The following STAT4 variants were observed in gnomAD, a reference collection of about 807,000 sequenced individuals.
STAT4 encodes signal transducer and activator of transcription 4.
A neutral mutation model predicts 110.5 loss-of-function variants in STAT4; 42 were observed. The observed-to-expected ratio is 0.38, with a 90% CI of 0.30 to 0.49. The LOEUF is 0.49. Among genes scored for constraint, STAT4 ranks in the 20% least tolerant of loss-of-function variants. The probability of loss-of-function intolerance (pLI) is 0.95; values close to 1 mark genes in which losing one functional copy is unlikely to be tolerated. For missense variants in STAT4, 632 were observed against 887.9 expected, an observed-to-expected ratio of 0.71 and a Z score of 3.66; for synonymous variants, 284 against 302.2, an observed-to-expected ratio of 0.94 and a Z score of 0.63.
intron 3 of STAT4, among the ~76,000 whole-genome samples, chr2:191,114,592 C>T (rs1698523490): frequency 6.6e-6 from 1 of 152,178 alleles, no homozygotes; most frequent in Non-Finnish European, 1.5e-5. Flanking sequence ...CAGCTGAGCA[C>T]TTATTAGAAA....
At chr2:191,069,345 T>C (rs145229734) in intron 6 of STAT4, among the ~76,000 whole-genome samples, 3 of 152,260 alleles carry the variant, frequency 2.0e-5, no homozygotes, top group African/African-American at 7.2e-5. Context: ...TTATTACTTT[T>C]GTTTCTGTGA....
Position 191,066,586 on chromosome 2 carries a change from T to C in STAT4, c.545-71A>G. 3 of 1,420,336 alleles carry C rather than the reference T, an allele frequency of 2.1e-6. No homozygotes were observed. The highest frequency in any genetic ancestry group is 2.9e-6 in the Non-Finnish European group (3 of 1,018,698). The allele number at this position is 1,420,336 out of a possible 1,614,324, so 88.0% of individuals were successfully genotyped here. On this transcript the variant is annotated intron_variant, in intron 6 of 23. Coordinates refer to ENST00000392320, the MANE Select transcript of STAT4 (RefSeq NM_003151.4). This position sits in a 1 kb window ranked among gnomAD's most constrained non-coding sequence, Gnocchi z 4.3. ...AAGTCAAGTCAGCCTCAATCCACCA[T>C]CCTAAAACAGCCCTGGCCCGGAGAA...
chr2:191,142,905 T>C lies in STAT4; in HGVS notation c.273+3708A>G, dbSNP rs889588581. 6.6e-6 allele frequency among the ~76,000 whole-genome samples: 1 copy of C among 152,140 alleles called. No individual in the cohort carries two copies. Among genetic ancestry groups the C allele is most frequent in the Non-Finnish European group, 1.5e-5 (1 of 68,028 alleles). On this transcript the variant is annotated intron_variant, in intron 3 of 23. Coordinates refer to ENST00000392320, the MANE Select transcript of STAT4 (RefSeq NM_003151.4). This position sits in a 1 kb window ranked among gnomAD's most constrained non-coding sequence, Gnocchi z 4.1. ...GTATGATATTGTAATGGTAGATATATGACATTATGCATTGTCAAAACCCAT... is the reference window on the plus strand; with the variant it reads ...GTATGATATTGTAATGGTAGATATACGACATTATGCATTGTCAAAACCCAT...
At position 191,117,254 on chromosome 2, in the gene STAT4, C is replaced by T. The variant is rs148287789; in HGVS notation, c.273+29359G>A. ...TGGTATCAAGGGATTTTCATCTTTG[C>T]CAGTTTGGAAGATAAAAAGTGCTCT... is the stretch of plus-strand genomic sequence containing the variant. On this transcript the variant is annotated intron_variant, in intron 3 of 23. Transcript: ENST00000392320. This position sits in a 1 kb window ranked among gnomAD's most constrained non-coding sequence, Gnocchi z 5.2. Among the ~76,000 whole-genome samples, 255 of 152,236 alleles carry T rather than the reference C, an allele frequency of 1.7e-3. No individual in the cohort carries two copies. The highest frequency in any genetic ancestry group is 5.8e-3 in the African/African-American group (239 of 41,548).
At chr2:191,093,378 T>A (rs962423321) in intron 3 of STAT4, among the ~76,000 whole-genome samples, 2 of 145,188 alleles carry the variant, frequency 1.4e-5, no homozygotes, top group Non-Finnish European at 3.1e-5. Flanking sequence ...TATTTGTTGT[T>A]CTGCAATATT....
At position 191,046,269 on chromosome 2, in the gene STAT4, C is replaced by T. The variant is rs1266780584; in HGVS notation, c.1252-5121G>A. Among the ~76,000 whole-genome samples, 1 of 152,204 alleles carries T rather than the reference C, an allele frequency of 6.6e-6. No individual in the cohort carries two copies. The highest frequency in any genetic ancestry group is 1.5e-5 in the Non-Finnish European group (1 of 68,032). The stretch of plus-strand genomic sequence containing the variant: ...TGTTAACATATGTTCTAGCCTCCTG[C>T]CTTGACATATCCTTCACATAACCGA... On this transcript the variant is annotated intron_variant, in intron 14 of 23. Coordinates refer to ENST00000392320, the MANE Select transcript of STAT4 (RefSeq NM_003151.4). This position sits in a 1 kb window ranked among gnomAD's most constrained non-coding sequence, Gnocchi z 4.6.
chr2:191,116,657 C>G lies in STAT4; in HGVS notation c.273+29956G>C, dbSNP rs540864157. 6.6e-6 allele frequency among the ~76,000 whole-genome samples: 1 copy of G among 152,276 alleles called. No homozygotes were observed. The highest frequency in any genetic ancestry group is 1.5e-5 in the Non-Finnish European group (1 of 68,012). On this transcript the variant is annotated intron_variant, in intron 3 of 23. Coordinates refer to ENST00000392320, the MANE Select transcript of STAT4 (RefSeq NM_003151.4). This position sits in a 1 kb window ranked among gnomAD's most constrained non-coding sequence, Gnocchi z 4.1. ...CACTGAAGGCTGCTTGAAGACTCAG[C>G]TCCAGTATAATTACTTGCAATTACT...
At chr2:191,063,036 T>G in intron 8 of STAT4, 116 bp from the exon 9 acceptor site, 1 of 829,002 alleles carries the variant, frequency 1.2e-6, no homozygotes, top group Non-Finnish European at 1.7e-6. Context: ...TTAAATTAAT[T>G]AAATGAATCA....
At chr2:191,133,693 C>T (rs1699103363) in intron 3 of STAT4, among the ~76,000 whole-genome samples, 2 of 151,268 alleles carry the variant, frequency 1.3e-5, no homozygotes, top group Non-Finnish European at 2.9e-5. Context: ...GTCATTCTAT[C>T]TGAGGGAGAA....
chr2:191,131,140 A>G (rs1216199687), intron 3 of STAT4, among the ~76,000 whole-genome samples: 2 of 151,788 alleles, frequency 1.3e-5, no homozygotes, highest in Non-Finnish European at 2.9e-5. Context: ...AACCATTTTT[A>G]AAAAACAATT....
intron 6 of STAT4, among the ~76,000 whole-genome samples, chr2:191,067,316 T>C (rs551598601): frequency 6.6e-6 from 1 of 152,248 alleles, no homozygotes; most frequent in East Asian, 1.9e-4. Context: ...CGTCTCTCCA[T>C]AGCACACGTG....
chr2:191,147,954 A>C lies in STAT4; in HGVS notation c.128+122T>G. 7.4e-7 allele frequency: 1 copy of C among 1,353,534 alleles called. No individual in the cohort carries two copies. Among genetic ancestry groups the C allele is most frequent in the Non-Finnish European group, 1.0e-6 (1 of 999,132 alleles). 83.8% of individuals were successfully genotyped at this position (1,353,534 alleles called of 1,614,324 possible). A position where few individuals can be genotyped will look rare whatever the true frequency, so the allele number is the denominator to read the frequency against. On this transcript the variant is annotated intron_variant, in intron 2 of 23. Transcript: ENST00000392320. The surrounding 1 kb of genome is among the most constrained non-coding windows in gnomAD (Gnocchi z 4.1). ...TTGGGAAGGCTTTCAAATCCTTGAG[A>C]AAGTTCTTTACCTGAAAAGAATGCA...
At chr2:191,052,633 T>G (rs1696561616) in intron 14 of STAT4, among the ~76,000 whole-genome samples, 1 of 152,158 alleles carries the variant, frequency 6.6e-6, no homozygotes, top group African/African-American at 2.4e-5. Flanking sequence ...GTTGAGCTAT[T>G]TGGATTTATT....
Position 191,033,720 on chromosome 2 carries a change from A to T in STAT4, c.1716-94T>A. 6.6e-7 allele frequency: 1 copy of T among 1,521,338 alleles called. No individual in the cohort carries two copies. Among genetic ancestry groups the T allele is most frequent in the Admixed American group, 2.1e-5 (1 of 47,448 alleles). 94.2% of individuals were successfully genotyped at this position (1,521,338 alleles called of 1,614,324 possible). ...CTACAGTTTGTTTTGAGTGTAATCA[A>T]AAGTCATTCTTACCTGAAATACTCA... On this transcript the variant is annotated intron_variant, in intron 19 of 23. Transcript: ENST00000392320. This position sits in a 1 kb window ranked among gnomAD's most constrained non-coding sequence, Gnocchi z 6.9.
intron 18 of STAT4, 140 bp from the exon 19 acceptor site, chr2:191,034,145 TG>T (rs2125143789): frequency 1.3e-5 from 9 of 689,704 alleles, no homozygotes; most frequent in Middle Eastern, 8.5e-4. Flanking sequence ...ATTCTTGGCC[TG>T]GTGTGGTGGC....
chr2:191,041,567 C>T (rs761309593), intron 14 of STAT4: 1 of 152,210 alleles, frequency 6.6e-6, no homozygotes, highest in Non-Finnish European at 1.5e-5. Context: ...GCAAGACCTC[C>T]TTCTGGTTTA....
intron 3 of STAT4, among the ~76,000 whole-genome samples, chr2:191,095,428 G>A (rs758932623): frequency 7.2e-5 from 11 of 152,100 alleles, no homozygotes; most frequent in South Asian, 4.1e-4. Flanking sequence ...AGACCACAGC[G>A]CAATCAAATT....
In STAT4 at chr2:191,066,363, CAGTT is replaced by C; in HGVS notation, c.630+63_630+66del. ...TAAAATCTGACAGCTTGATTATTTT[CAGTT>C]AGTCTAAGTTTAGAAAAAAGGAGAA... On this transcript the variant is annotated intron_variant, in intron 7 of 23. Coordinates refer to ENST00000392320, the MANE Select transcript of STAT4 (RefSeq NM_003151.4). This position sits in a 1 kb window ranked among gnomAD's most constrained non-coding sequence, Gnocchi z 4.3. The C allele has an allele frequency of 7.4e-7, 1 of 1,351,840 alleles. No individual in the cohort carries two copies. Among genetic ancestry groups the C allele is most frequent in the Non-Finnish European group, 1.0e-6 (1 of 954,272 alleles). The allele number at this position is 1,351,840 out of a possible 1,614,324, so 83.7% of individuals were successfully genotyped here. A position where few individuals can be genotyped will look rare whatever the true frequency, so the allele number is the denominator to read the frequency against.
intron 3 of STAT4, among the ~76,000 whole-genome samples, chr2:191,081,258 T>G (rs192444780): frequency 7.7e-4 from 117 of 152,346 alleles, no homozygotes; most frequent in African/African-American, 2.7e-3. Flanking sequence ...GCATCTGGGT[T>G]GGTTCCAAGT....
Sources: gnomAD v4.1 joint callset for allele counts (sites outside exome capture counted in the v4.1 genomes callset) on GRCh38, gnomAD v4.1.1 for gene constraint, Gnocchi (gnomAD v3.1) non-coding constraint, MANE v1.5 for transcripts, NCBI Gene and HGNC (gene_info 2026-07-23, HGNC 2026-07-21) for gene names.